Variants in PPP3CA observed in about 807,000 individuals in gnomAD.
PPP3CA encodes the protein protein phosphatase 3 catalytic subunit alpha.
Under a neutral mutation model 66.5 loss-of-function variants are expected in PPP3CA, and 14 were observed. The observed-to-expected ratio is 0.21, with a 90% CI of 0.14 to 0.33. PPP3CA has a LOEUF of 0.33. Among genes scored for constraint, PPP3CA ranks in the 10% least tolerant of loss-of-function variants. PPP3CA has a pLI of 1.00. For synonymous variants in PPP3CA, 232 were observed against 226.2 expected (o/e 1.03, Z -0.23); for missense variants, 317 against 639.5 (o/e 0.50, Z 5.44).
chr4:101,216,553 T>C (rs190081975), intron 1 of PPP3CA, among the ~76,000 whole-genome samples: 10 of 152,200 alleles, frequency 6.6e-5, no homozygotes, highest in Admixed American at 2.0e-4. Context: ...TTTTTTCTTT[T>C]CTTAAGACAG....
chr4:101,183,480 C>T (rs561078935), intron 2 of PPP3CA, among the ~76,000 whole-genome samples: 3 of 152,174 alleles, frequency 2.0e-5, no homozygotes, highest in South Asian at 2.1e-4. Flanking sequence ...AGAAACTAGA[C>T]GAATGAAGGT....
chr4:101,209,991 T>A (rs1725250154), intron 1 of PPP3CA, among the ~76,000 whole-genome samples: 1 of 152,174 alleles, frequency 6.6e-6, no homozygotes, highest in East Asian at 1.9e-4. Context: ...AAGCATCGAA[T>A]AAAGGGTTTA....
chr4:101,148,029 T>C (rs1004581276), intron 2 of PPP3CA, among the ~76,000 whole-genome samples: 5 of 152,074 alleles, frequency 3.3e-5, no homozygotes, highest in Admixed American at 2.0e-4. Flanking sequence ...AACAATTCCC[T>C]CTCAAAATGT....
intron 1 of PPP3CA, among the ~76,000 whole-genome samples, chr4:101,262,105 T>C (rs1256494408): frequency 6.6e-6 from 1 of 152,228 alleles, no homozygotes; most frequent in East Asian, 1.9e-4. Context: ...GATTTTTACC[T>C]CAGCAGTTTT....
At chr4:101,032,495 T>TAA (rs1315150294) in intron 11 of PPP3CA, 131 bp from the exon 12 acceptor site, 2 of 700,894 alleles carry the variant, frequency 2.9e-6, no homozygotes, top group African/African-American at 3.6e-5. Context: ...GATCTTTTTT[T>TAA]AAAATTTTTT....
chr4:101,083,769 T>A (rs2110241251), intron 6 of PPP3CA, among the ~76,000 whole-genome samples: 2 of 152,318 alleles, frequency 1.3e-5, no homozygotes, highest in East Asian at 3.9e-4. Context: ...CTCCCAGATT[T>A]AAGACTCCTC....
intron 1 of PPP3CA, among the ~76,000 whole-genome samples, chr4:101,258,236 G>C (rs1032680521): frequency 6.6e-6 from 1 of 152,106 alleles, no homozygotes; most frequent in Non-Finnish European, 1.5e-5. Flanking sequence ...CACGAAGAAA[G>C]TGGACATTGT....
intron 1 of PPP3CA, among the ~76,000 whole-genome samples, chr4:101,207,127 T>C (rs1321856677): frequency 6.6e-6 from 1 of 152,232 alleles, no homozygotes; most frequent in Non-Finnish European, 1.5e-5. Flanking sequence ...AAATCTGTTG[T>C]TATTTATGAT....
intron 1 of PPP3CA, chr4:101,250,275 TCAGA>T (rs1157123423): frequency 6.7e-6 from 3 of 446,724 alleles, no homozygotes; most frequent in African/African-American, 2.0e-5. Flanking sequence ...GGATTTACAG[TCAGA>T]CAGACCTGAA....
chr4:101,103,123 A>G (rs146163334), intron 3 of PPP3CA, among the ~76,000 whole-genome samples: 18 of 152,028 alleles, frequency 1.2e-4, no homozygotes, highest in African/African-American at 4.1e-4. Context: ...TTCACTGATA[A>G]TAATAGTGCA....
Position 101,125,825 on chromosome 4 carries a change from T to C in PPP3CA, c.260-16747A>G, listed in dbSNP as rs75872507. Among the ~76,000 whole-genome samples the C allele has an allele frequency of 1.2e-3, 185 of 152,304 alleles. 4 individuals carry two copies. In the East Asian group the frequency reaches 0.034, roughly 28 times the overall value. On this transcript the variant is annotated intron_variant, in intron 2 of 13. Coordinates refer to ENST00000394854, the MANE Select transcript of PPP3CA (RefSeq NM_000944.5). Reference sequence around the variant, plus strand: ...ATAGAATTTATAATAGATTCATTTATATTACAGATCTAAATCCCTGAACAA... The same window carrying C: ...ATAGAATTTATAATAGATTCATTTACATTACAGATCTAAATCCCTGAACAA...
intron 1 of PPP3CA, among the ~76,000 whole-genome samples, chr4:101,259,564 T>TA (rs1417905330): frequency 1.3e-5 from 2 of 152,162 alleles, no homozygotes; most frequent in Admixed American, 6.5e-5. Context: ...AGTGCTAGCT[T>TA]AAAAAATGTG....
intron 2 of PPP3CA, among the ~76,000 whole-genome samples, chr4:101,134,661 G>GTTGGC (rs1722556714): frequency 1.3e-5 from 2 of 152,332 alleles, no homozygotes; most frequent in African/African-American, 4.8e-5. Context: ...CATTGTGGAA[G>GTTGGC]ACAGTGTGGC....
intron 13 of PPP3CA, among the ~76,000 whole-genome samples, chr4:101,028,065 A>AT (rs1726752347): frequency 6.6e-6 from 1 of 152,144 alleles, no homozygotes; most frequent in South Asian, 2.1e-4. Context: ...AAGCAGTTGT[A>AT]TTTTCTCTTA....
chr4:101,193,477 GA>G (rs1004559049), intron 2 of PPP3CA, among the ~76,000 whole-genome samples: 22 of 145,922 alleles, frequency 1.5e-4, no homozygotes, highest in Middle Eastern at 3.5e-3. Flanking sequence ...TTAGCTGAAA[GA>G]AAAAAAAAAA....
intron 4 of PPP3CA, among the ~76,000 whole-genome samples, chr4:101,099,225 T>C (rs142227035): frequency 6.6e-6 from 1 of 152,268 alleles, no homozygotes; most frequent in Non-Finnish European, 1.5e-5. Context: ...TAAGATTCAC[T>C]AGAAGCTAGT....
intron 3 of PPP3CA, among the ~76,000 whole-genome samples, chr4:101,101,392 T>C (rs1261178083): frequency 6.6e-6 from 1 of 152,210 alleles, no homozygotes; most frequent in Non-Finnish European, 1.5e-5. Context: ...AAACTATTAT[T>C]AATGTCAATG....
intron 1 of PPP3CA, among the ~76,000 whole-genome samples, chr4:101,242,533 A>C (rs1578586991): frequency 8.0e-5 from 3 of 37,604 alleles, no homozygotes; most frequent in Admixed American, 7.5e-4. Context: ...ATATTGGTTT[A>C]AATAAAAAAA....
intron 11 of PPP3CA, among the ~76,000 whole-genome samples, chr4:101,035,937 T>C (rs1025591786): frequency 2.0e-5 from 3 of 152,222 alleles, no homozygotes; most frequent in African/African-American, 7.2e-5. Flanking sequence ...ATCTTTTCAG[T>C]TCCTAGGCTG....
Sources: gnomAD v4.1 joint callset for allele counts (sites outside exome capture counted in the v4.1 genomes callset) on GRCh38, gnomAD v4.1.1 for gene constraint, MANE v1.5 for transcripts, NCBI Gene and HGNC (gene_info 2026-07-23, HGNC 2026-07-21) for gene names.